Variants in FBXL17 observed in about 807,000 individuals in gnomAD.
The protein encoded by FBXL17 is F-box and leucine rich repeat protein 17, also known as F-box/LRR-repeat protein 17.
In FBXL17, 22 loss-of-function variants were observed where a neutral mutation model predicts 66.2. The observed-to-expected ratio is 0.33, with a 90% CI of 0.24 to 0.47. FBXL17 has a LOEUF of 0.47. Ranked by LOEUF, FBXL17 falls within the 20% of genes least tolerant of loss-of-function variation. The pLI, the probability that FBXL17 is intolerant of heterozygous loss-of-function variation, is 1.00. For synonymous variants in FBXL17, 474 were observed against 400.5 expected, an observed-to-expected ratio of 1.18 and a Z score of -2.19; for missense variants, 878 against 948.2, an observed-to-expected ratio of 0.93 and a Z score of 0.97.
rs1176707760 is a variant in FBXL17, at chr5:108,233,328, T to C, written c.1507-9100A>G. Among the ~76,000 whole-genome samples, 4 of 152,194 alleles carry C rather than the reference T, an allele frequency of 2.6e-5. No homozygotes were observed. In the South Asian group the frequency reaches 8.3e-4, roughly 31 times the overall value. On this transcript the variant is annotated intron_variant, in intron 4 of 8. Coordinates refer to ENST00000542267, the MANE Select transcript of FBXL17 (RefSeq NM_001163315.3). Reference sequence around the variant, plus strand: ...CATCTTTTGCATATGTATACCAATTTTGCCAGCACCATTTGTTGAAAAGAC... The same window carrying C: ...CATCTTTTGCATATGTATACCAATTCTGCCAGCACCATTTGTTGAAAAGAC...
intron 4 of FBXL17, among the ~76,000 whole-genome samples, chr5:108,347,305 T>G (rs1747343568): frequency 1.3e-5 from 2 of 152,162 alleles, no homozygotes; most frequent in South Asian, 2.1e-4. Context: ...AAAAATACAG[T>G]ATAATAATCT....
intron 5 of FBXL17, among the ~76,000 whole-genome samples, chr5:108,201,440 A>G (rs1390326720): frequency 6.6e-6 from 1 of 152,160 alleles, no homozygotes; most frequent in African/African-American, 2.4e-5. Flanking sequence ...GAAATAAGAT[A>G]GTTTAATTAA....
At chr5:108,347,770 C>G (rs1747376055) in intron 4 of FBXL17, among the ~76,000 whole-genome samples, 1 of 152,000 alleles carries the variant, frequency 6.6e-6, no homozygotes, top group Non-Finnish European at 1.5e-5. Flanking sequence ...GACTGCACAA[C>G]ATGGTAAATA....
intron 7 of FBXL17, among the ~76,000 whole-genome samples, chr5:107,903,295 G>T (rs1205475523): frequency 6.6e-6 from 1 of 152,024 alleles, no homozygotes; most frequent in African/African-American, 2.4e-5. Context: ...AATTAATGAG[G>T]TATATTTATA....
chr5:108,085,890 C>T (rs1178175153), intron 6 of FBXL17, among the ~76,000 whole-genome samples: 1 of 152,206 alleles, frequency 6.6e-6, no homozygotes, highest in Non-Finnish European at 1.5e-5. Flanking sequence ...TGGCACTGCA[C>T]TCCAGCCTGG....
At chr5:108,196,232 A>C (rs1025512516) in intron 5 of FBXL17, among the ~76,000 whole-genome samples, 2 of 148,192 alleles carry the variant, frequency 1.3e-5, no homozygotes, top group Non-Finnish European at 2.9e-5. Context: ...AAAACAAAAC[A>C]AACAAAAAAA....
chr5:108,280,340 A>C (rs1757653126), intron 4 of FBXL17, among the ~76,000 whole-genome samples: 1 of 152,134 alleles, frequency 6.6e-6, no homozygotes, highest in African/African-American at 2.4e-5. Context: ...CTAAAGAAAA[A>C]CATTGCCAGC....
chr5:108,339,051 A>G (rs1406973385), intron 4 of FBXL17, among the ~76,000 whole-genome samples: 2 of 152,190 alleles, frequency 1.3e-5, no homozygotes, highest in Non-Finnish European at 2.9e-5. Flanking sequence ...AAAATGATGG[A>G]AAAAGTGCAT....
At chr5:107,884,671 T>C (rs1748903335) in intron 7 of FBXL17, among the ~76,000 whole-genome samples, 1 of 152,222 alleles carries the variant, frequency 6.6e-6, no homozygotes, top group South Asian at 2.1e-4. Flanking sequence ...TGTGGTCTAG[T>C]CTCAAGTTCG....
intron 3 of FBXL17, 108 bp downstream of exon 3, chr5:108,364,630 C>T: frequency 1.2e-6 from 1 of 828,384 alleles, no homozygotes; most frequent in South Asian, 1.8e-5. Flanking sequence ...AAAGATGATT[C>T]ACTTGAGTCT....
intron 4 of FBXL17, among the ~76,000 whole-genome samples, chr5:108,274,100 T>A (rs1317861816): frequency 2.6e-5 from 4 of 152,226 alleles, no homozygotes; most frequent in African/African-American, 4.8e-5. Context: ...TTAAAATTGC[T>A]AATGAAGTTT....
At chr5:108,363,136 G>A (rs1181912940) in intron 3 of FBXL17, among the ~76,000 whole-genome samples, 1 of 151,850 alleles carries the variant, frequency 6.6e-6, no homozygotes, top group Non-Finnish European at 1.5e-5. Flanking sequence ...ATATCACTAG[G>A]TCATAAAATT....
At chr5:108,267,219 A>G (rs1757079898) in intron 4 of FBXL17, among the ~76,000 whole-genome samples, 1 of 152,074 alleles carries the variant, frequency 6.6e-6, no homozygotes, top group Non-Finnish European at 1.5e-5. Flanking sequence ...CTAAATAATA[A>G]CGAAAAATCA....
chr5:108,151,416 T>C (rs1751767509), intron 6 of FBXL17, among the ~76,000 whole-genome samples: 1 of 152,174 alleles, frequency 6.6e-6, no homozygotes, highest in African/African-American at 2.4e-5. Context: ...AAAAAGAGTT[T>C]TACAAGGTTG....
At chr5:107,928,351 T>C (rs982106047) in intron 7 of FBXL17, among the ~76,000 whole-genome samples, 1 of 151,886 alleles carries the variant, frequency 6.6e-6, no homozygotes, top group African/African-American at 2.4e-5. Context: ...TTTATTCTTT[T>C]AAACCTTTAT....
rs527361886 is a variant in FBXL17 at position 107,915,720 on chromosome 5, T to C, written c.1823-34541A>G. On this transcript the variant is annotated intron_variant, in intron 7 of 8. Coordinates refer to ENST00000542267, the MANE Select transcript of FBXL17 (RefSeq NM_001163315.3). ...ATAAATCAACAGCTAAACAGGAGGATTGGGTTTGCTCTAGCCTCGTCTGCT... is the reference window on the plus strand; with the variant it reads ...ATAAATCAACAGCTAAACAGGAGGACTGGGTTTGCTCTAGCCTCGTCTGCT... 2.8e-4 allele frequency among the ~76,000 whole-genome samples: 42 copies of C among 152,274 alleles called. No homozygotes were observed. The South Asian group carries it at 8.3e-3, about 30-fold the overall frequency.
chr5:107,980,664 A>ATATATATATTTTTTTTTTTTTTTT, intron 7 of FBXL17, among the ~76,000 whole-genome samples: 1 of 62,078 alleles, frequency 1.6e-5, no homozygotes, highest in Non-Finnish European at 2.7e-5. Flanking sequence ...ATATATATAT[A>ATATATATATTTTTTTTTTTTTTTT]TTTTTTTTTT....
At chr5:108,338,548 T>C (rs1407011175) in intron 4 of FBXL17, among the ~76,000 whole-genome samples, 1 of 152,124 alleles carries the variant, frequency 6.6e-6, no homozygotes, top group East Asian at 1.9e-4. Flanking sequence ...TCTACCATCA[T>C]ACTTTAGAAA....
At chr5:107,963,595 G>A (rs894852373) in intron 7 of FBXL17, among the ~76,000 whole-genome samples, 10 of 152,190 alleles carry the variant, frequency 6.6e-5, no homozygotes, top group African/African-American at 2.4e-4. Context: ...CCTTTAAAAC[G>A]AGGATAGCAC....
Sources: allele counts gnomAD v4.1 joint callset (sites outside exome capture counted in the v4.1 genomes callset), GRCh38; gene constraint gnomAD v4.1.1; transcripts MANE v1.5; gene names NCBI Gene and HGNC (gene_info 2026-07-23, HGNC 2026-07-21).